HORMAD2: variants seen among roughly 807,000 people sequenced by gnomAD.
HORMAD2 encodes HORMA domain containing 2, also known as HORMA domain-containing protein 2.
A neutral mutation model predicts 38.8 loss-of-function variants in HORMAD2; 45 were observed. The observed-to-expected ratio is 1.16, with a 90% CI of 0.91 to 1.49. HORMAD2 has a LOEUF of 1.49. HORMAD2 is among the 40% of genes most tolerant of loss of function. The pLI, the probability that HORMAD2 is intolerant of heterozygous loss-of-function variation, is 0.00. For missense variants in HORMAD2, 338 were observed against 367.0 expected, an observed-to-expected ratio of 0.92 and a Z score of 0.65; for synonymous variants, 126 against 122.8, an observed-to-expected ratio of 1.03 and a Z score of -0.17.
intron 1 of HORMAD2, among the ~76,000 whole-genome samples, chr22:30,093,104 T>C (rs1233852756): frequency 6.6e-6 from 1 of 152,194 alleles, no homozygotes; most frequent in Non-Finnish European, 1.5e-5. Context: ...TTTAGCAATA[T>C]TAATTCTTCT....
the HORMAD2 span, among the ~76,000 whole-genome samples, chr22:30,194,181 G>C: frequency 2.6e-5 from 4 of 152,208 alleles, no homozygotes; most frequent in African/African-American, 9.6e-5. Context: ...GGAGATACTA[G>C]CGCCACCAAC....
intron 1 of HORMAD2, among the ~76,000 whole-genome samples, chr22:30,081,455 G>C (rs921488482): frequency 1.3e-5 from 2 of 152,210 alleles, no homozygotes; most frequent in Non-Finnish European, 2.9e-5. Context: ...GGAATTACCA[G>C]GGCCAAATGG....
chr22:30,126,964 AC>A, intron 10 of HORMAD2, among the ~76,000 whole-genome samples: 1 of 152,006 alleles, frequency 6.6e-6, no homozygotes, highest in East Asian at 1.9e-4. Context: ...GAAGAGGAGC[AC>A]CTTTTTATAT....
intron 10 of HORMAD2, among the ~76,000 whole-genome samples, chr22:30,144,719 T>C (rs575282739): frequency 6.6e-6 from 1 of 151,414 alleles, no homozygotes; most frequent in Non-Finnish European, 1.5e-5. Flanking sequence ...GATTGAGACC[T>C]CAGCATTCTC....
chr22:30,140,368 T>A (rs988198300), intron 10 of HORMAD2, among the ~76,000 whole-genome samples: 1 of 152,244 alleles, frequency 6.6e-6, no homozygotes, highest in African/African-American at 2.4e-5. Context: ...GTATTAATTC[T>A]TCTTTAAATG....
chr22:30,197,422 C>T, the HORMAD2 span, among the ~76,000 whole-genome samples: 4 of 152,068 alleles, frequency 2.6e-5, no homozygotes, highest in South Asian at 2.1e-4. Flanking sequence ...AATTCAGAAC[C>T]ATGACCCTAC....
chr22:30,161,128 C>T (rs1267192243), intron 10 of HORMAD2, among the ~76,000 whole-genome samples: 3 of 152,224 alleles, frequency 2.0e-5, no homozygotes, highest in African/African-American at 4.8e-5. Context: ...ACTTTGGTCT[C>T]TCCTTCCTGC....
the HORMAD2 span, among the ~76,000 whole-genome samples, chr22:30,193,122 T>C: frequency 6.6e-6 from 1 of 152,048 alleles, no homozygotes; most frequent in Non-Finnish European, 1.5e-5. Flanking sequence ...GTATCTAGGG[T>C]CAAAAAATCA....
At position 30,098,996 on chromosome 22, in the gene HORMAD2, A is replaced by G; in HGVS notation, c.193+3A>G. The G allele has an allele frequency of 6.2e-7, 1 of 1,605,442 alleles. No individual in the cohort carries two copies. The highest frequency in any genetic ancestry group is 2.2e-5 in the East Asian group (1 of 44,730). ...TTATGGAGAACGCCATTTGGATGGTAAAGTTAAACTAACTAGTCTCTTTGG... is the reference window on the plus strand; with the variant it reads ...TTATGGAGAACGCCATTTGGATGGTGAAGTTAAACTAACTAGTCTCTTTGG... On this transcript the variant is annotated splice_donor_region_variant and intron_variant, in intron 3 of 10. Coordinates refer to ENST00000336726, the MANE Select transcript of HORMAD2 (RefSeq NM_152510.4).
chr22:30,181,126 T>G (rs976334153), downstream of HORMAD2, among the ~76,000 whole-genome samples: 5 of 150,578 alleles, frequency 3.3e-5, no homozygotes, highest in Non-Finnish European at 7.4e-5. Flanking sequence ...TTCTCCCACC[T>G]CAGCCTCCTC....
chr22:30,134,839 G>T (rs1569105131), intron 10 of HORMAD2, among the ~76,000 whole-genome samples: 1 of 152,032 alleles, frequency 6.6e-6, no homozygotes, highest in Non-Finnish European at 1.5e-5. Context: ...CCAAATCCCT[G>T]ATTCAAAATT....
chr22:30,088,902 A>AT (rs1191081409), intron 1 of HORMAD2, among the ~76,000 whole-genome samples: 1 of 151,906 alleles, frequency 6.6e-6, no homozygotes, highest in Non-Finnish European at 1.5e-5. Context: ...TTCCCATTTT[A>AT]TTTTTTGAAA....
At chr22:30,172,953 G>A (rs916582887) in intron 10 of HORMAD2, among the ~76,000 whole-genome samples, 1 of 152,016 alleles carries the variant, frequency 6.6e-6, no homozygotes, top group East Asian at 1.9e-4. Flanking sequence ...TAGTAAGTAG[G>A]CCTGATAATA....
At chr22:30,097,971 TG>T (rs2146081501) in intron 2 of HORMAD2, among the ~76,000 whole-genome samples, 1 of 152,134 alleles carries the variant, frequency 6.6e-6, no homozygotes, top group South Asian at 2.1e-4. Flanking sequence ...TAGAATTTAG[TG>T]GGGTATGAAG....
intron 7 of HORMAD2, among the ~76,000 whole-genome samples, chr22:30,117,004 T>G (rs986498412): frequency 6.6e-6 from 1 of 152,236 alleles, no homozygotes; most frequent in South Asian, 2.1e-4. Context: ...GTCTCTCCTA[T>G]TGTATTTACA....
the HORMAD2 span, among the ~76,000 whole-genome samples, chr22:30,187,118 A>G: frequency 2.6e-5 from 4 of 152,220 alleles, no homozygotes; most frequent in Non-Finnish European, 4.4e-5. Context: ...AGCATTCTAG[A>G]GAAAATTAAC....
chr22:30,149,369 A>G (rs1265796514), intron 10 of HORMAD2, among the ~76,000 whole-genome samples: 2 of 152,224 alleles, frequency 1.3e-5, no homozygotes, highest in Non-Finnish European at 2.9e-5. Context: ...TAAAACAATA[A>G]GTTCAGTTCT....
the HORMAD2 span, among the ~76,000 whole-genome samples, chr22:30,201,704 C>G: frequency 6.6e-6 from 1 of 152,146 alleles, no homozygotes; most frequent in Non-Finnish European, 1.5e-5. Context: ...GCGTGAGCCA[C>G]CGTGCCCGGC....
chr22:30,103,712 G>C (rs1425758000), intron 4 of HORMAD2, among the ~76,000 whole-genome samples: 2 of 119,148 alleles, frequency 1.7e-5, no homozygotes, highest in Non-Finnish European at 3.2e-5. Context: ...CCCCATGCTG[G>C]AGTGCAGTGG....
Sources: allele counts gnomAD v4.1 joint callset (sites outside exome capture counted in the v4.1 genomes callset), GRCh38; gene constraint gnomAD v4.1.1; transcripts MANE v1.5; gene names NCBI Gene and HGNC (gene_info 2026-07-23, HGNC 2026-07-21).